COL15A1: variants seen among roughly 807,000 people sequenced by gnomAD.
COL15A1 encodes the protein collagen type XV alpha 1 chain, also known as collagen alpha-1(XV) chain.
A neutral mutation model predicts 165.9 loss-of-function variants in COL15A1; 111 were observed. That is an observed-to-expected ratio of 0.67 (90% confidence interval 0.57 to 0.78). COL15A1 has a LOEUF of 0.78. COL15A1 is among the 30% of genes least tolerant of loss of function. COL15A1 has a pLI of 0.00. For missense variants in COL15A1, 1,745 were observed against 1,789.7 expected (o/e 0.98, Z 0.45); for synonymous variants, 659 against 674.8 (o/e 0.98, Z 0.36).
At position 98,994,636 on chromosome 9, in the gene COL15A1, C is replaced by T. The variant is rs541439405; in HGVS notation, c.805-2298C>T. Among the ~76,000 whole-genome samples, 9 of 152,248 alleles carry T rather than the reference C, an allele frequency of 5.9e-5. No individual in the cohort carries two copies. The South Asian group carries it at 1.9e-3, about 32-fold the overall frequency. On this transcript the variant is annotated intron_variant, in intron 5 of 41. Transcript: ENST00000375001. Reference sequence around the variant, plus strand: ...TCTTAGTTATTCATTTCTGTGTCCCCAGGGCTCAGCCAAGGACCTAGCACA... The same window carrying T: ...TCTTAGTTATTCATTTCTGTGTCCCTAGGGCTCAGCCAAGGACCTAGCACA...
chr9:99,047,118 T>G (rs768388089), intron 26 of COL15A1, among the ~76,000 whole-genome samples: 14 of 152,218 alleles, frequency 9.2e-5, no homozygotes, highest in Non-Finnish European at 1.8e-4. Context: ...ATCAGTGGTG[T>G]TGTCTGTCAA....
At chr9:99,055,398 C>T (rs1825707272) in intron 34 of COL15A1, 26 bp downstream of exon 34, 1 of 1,415,010 alleles carries the variant, frequency 7.1e-7, no homozygotes, top group South Asian at 1.1e-5. Flanking sequence ...TCCAAGTCAT[C>T]TACCCCAAAG....
intron 2 of COL15A1, among the ~76,000 whole-genome samples, chr9:98,978,010 G>A (rs577209145): frequency 2.0e-5 from 3 of 152,268 alleles, no homozygotes; most frequent in African/African-American, 4.8e-5. Flanking sequence ...TGGAGTGGTC[G>A]GGGCTGTGGG....
Position 99,036,188 on chromosome 9 carries a change from G to A in COL15A1, c.2308G>A (p.Gly770Arg). The A allele has an allele frequency of 6.2e-7, 1 of 1,613,232 alleles. No homozygotes were observed. Among genetic ancestry groups the A allele is most frequent in the East Asian group, 2.2e-5 (1 of 44,878 alleles). ...TTTCCAGGGTCTCAAAGGAGAGAAA[G>A]GAGACCGGGGACCCAAGGTGAGGTC... ...TAAIGLKGEK[G>R]DRGPKGERGM... Residue 770 changes from glycine (G) to arginine (R), a missense_variant, in exon 20 of 42, where the codon GGA becomes AGA. Transcript: ENST00000375001.
At chr9:99,069,599 T>C (rs944225581) in intron 41 of COL15A1, 74 bp from the exon 42 acceptor site, 50 of 1,554,582 alleles carry the variant, frequency 3.2e-5, no homozygotes, top group Non-Finnish European at 3.9e-5. Context: ...ATTAGACTTA[T>C]GCCAATTTGC....
chr9:99,068,795 C>A, intron 41 of COL15A1, 125 bp downstream of exon 41: 1 of 599,266 alleles, frequency 1.7e-6, no homozygotes, highest in Non-Finnish European at 2.9e-6. Context: ...AGTGAGGCAA[C>A]TGAGGGCCTC....
chr9:98,989,394 G>C, intron 5 of COL15A1, 136 bp downstream of exon 5: 1 of 702,938 alleles, frequency 1.4e-6, no homozygotes, highest in Admixed American at 3.0e-5. Context: ...TCATCTGGGG[G>C]GGTCAGGAAA....
chr9:98,944,135 C>T, intron 1 of COL15A1, 27 bp from the exon 2 acceptor site: 1 of 1,614,152 alleles, frequency 6.2e-7, no homozygotes, highest in Non-Finnish European at 8.5e-7. Flanking sequence ...CCCGCCTCAC[C>T]TTTTCTCCCT....
intron 16 of COL15A1, among the ~76,000 whole-genome samples, chr9:99,033,052 C>T (rs1433532257): frequency 6.6e-6 from 1 of 152,230 alleles, no homozygotes; most frequent in Admixed American, 6.5e-5. Context: ...TTGTTTCTCA[C>T]AGTATTGCCT....
chr9:99,036,506 C>T, intron 21 of COL15A1, 110 bp downstream of exon 21: 2 of 1,120,058 alleles, frequency 1.8e-6, no homozygotes, highest in East Asian at 2.5e-5. Context: ...GGCATGTAGC[C>T]AGTGCCTGGT....
intron 8 of COL15A1, among the ~76,000 whole-genome samples, chr9:99,003,965 G>A (rs951436645): frequency 6.6e-5 from 10 of 152,308 alleles, no homozygotes; most frequent in Admixed American, 3.9e-4. Flanking sequence ...TGCTGAAGGC[G>A]GGCCTGAGAG....
At chr9:99,045,294 A>G (rs1296029500) in intron 26 of COL15A1, among the ~76,000 whole-genome samples, 1 of 152,154 alleles carries the variant, frequency 6.6e-6, no homozygotes, top group Non-Finnish European at 1.5e-5. Flanking sequence ...GAAACCCTCA[A>G]AGGAACCCCA....
At position 98,981,238 on chromosome 9, in the gene COL15A1, AC is replaced by A. The variant is rs547840899; in HGVS notation, c.101-4325del. On this transcript the variant is annotated intron_variant, in intron 2 of 41. Transcript: ENST00000375001. ...TTTGGGAGGTCAAGGTGGGCGGATC[AC>A]CTGAGGTCAGGAGTTCGAGACTAGC... 3.1e-3 allele frequency among the ~76,000 whole-genome samples: 479 copies of A among 152,320 alleles called. 3 individuals carry two copies. Among genetic ancestry groups the A allele is most frequent in the South Asian group, 0.013 (63 of 4,826 alleles).
intron 4 of COL15A1, 139 bp downstream of exon 4, chr9:98,987,507 C>T: frequency 2.9e-6 from 2 of 700,416 alleles, no homozygotes; most frequent in East Asian, 3.0e-5. Flanking sequence ...CTATTTTGGG[C>T]TTTTGGCGTG....
chr9:98,988,944 AAAAT>A (rs1420022648), intron 4 of COL15A1, among the ~76,000 whole-genome samples: 6 of 151,910 alleles, frequency 3.9e-5, no homozygotes, highest in Non-Finnish European at 7.4e-5. Context: ...TAAAAAAATA[AAAAT>A]AAATAAATAA....
chr9:99,021,784 C>T (rs1839032294), intron 12 of COL15A1, among the ~76,000 whole-genome samples: 1 of 152,190 alleles, frequency 6.6e-6, no homozygotes, highest in South Asian at 2.1e-4. Context: ...AGCACTGGTG[C>T]TCTAGCAGGG....
At chr9:99,024,781 TG>T in intron 14 of COL15A1, 92 bp from the exon 15 acceptor site, 2 of 1,441,098 alleles carry the variant, frequency 1.4e-6, no homozygotes, top group Non-Finnish European at 1.9e-6. Flanking sequence ...CATGTAGGAT[TG>T]TTGAAAGAAT....
intron 24 of COL15A1, among the ~76,000 whole-genome samples, chr9:99,044,033 G>T (rs987828119): frequency 6.6e-6 from 1 of 152,172 alleles, no homozygotes; most frequent in Non-Finnish European, 1.5e-5. Context: ...CCTCCATGTT[G>T]ACAGAGGCCT....
Position 98,985,578 on chromosome 9 carries a change from G to A in COL15A1, c.114G>A (p.Gln38=). 5.6e-6 allele frequency: 9 copies of A among 1,612,194 alleles called. No homozygotes were observed. Among genetic ancestry groups the A allele is most frequent in the Non-Finnish European group, 7.6e-6 (9 of 1,178,458 alleles). ...CCCTCCCTGCAGAGACTGCTTCCCAGGGTCACCTGGACCTCACGCAGCTCA... is the reference window on the plus strand; with the variant it reads ...CCCTCCCTGCAGAGACTGCTTCCCAAGGTCACCTGGACCTCACGCAGCTCA... ...QTRGATETAS[Q]GHLDLTQLIG... is the part of the protein sequence containing the mutation. The change falls in exon 3 of 42, where the codon CAG becomes CAA. Residue 38 remains glutamine, a synonymous_variant. Transcript: ENST00000375001.
Sources: allele counts gnomAD v4.1 joint callset (sites outside exome capture counted in the v4.1 genomes callset), GRCh38; gene constraint gnomAD v4.1.1; transcripts MANE v1.5; gene names NCBI Gene and HGNC (gene_info 2026-07-23, HGNC 2026-07-21).